The following ASZ1 variants were observed in gnomAD, a reference collection of about 807,000 sequenced individuals.
The protein encoded by ASZ1 is ankyrin repeat, SAM and basic leucine zipper domain-containing protein 1.
ASZ1 carries 67 observed loss-of-function variants against 61.8 expected under a neutral mutation model. The ratio of observed to expected loss-of-function variants is 1.08; its 90% CI spans 0.89 to 1.33. The LOEUF (loss-of-function observed/expected upper bound fraction) is 1.33. Among genes scored for constraint, ASZ1 ranks in the 40% most tolerant of loss-of-function variants. The probability of loss-of-function intolerance (pLI) is 0.00; values close to 1 mark genes in which losing one functional copy is unlikely to be tolerated. For synonymous variants in ASZ1, 193 were observed against 192.7 expected (o/e 1.00, Z -0.01); for missense variants, 577 against 554.5 (o/e 1.04, Z -0.41).
rs1796276330 is a variant in ASZ1 at position 117,382,594 on chromosome 7, AT to A, written c.812+391del. Among the ~76,000 whole-genome samples the A allele has an allele frequency of 2.0e-5, 3 of 152,194 alleles. No individual in the cohort carries two copies. In the East Asian group the frequency reaches 5.8e-4, roughly 29 times the overall value. On this transcript the variant is annotated intron_variant, in intron 7 of 12. Transcript: ENST00000284629. ...CTTTAAATGGGGTAAGGAGAGAATT[AT>A]TTTTGGCCATGTACTCAACAGTGGT... is the stretch of plus-strand genomic sequence containing the variant.
intron 3 of ASZ1, among the ~76,000 whole-genome samples, chr7:117,421,969 G>T (rs946170164): frequency 1.6e-4 from 24 of 152,120 alleles, no homozygotes; most frequent in Admixed American, 5.9e-4. Context: ...TTTCTTTCAA[G>T]AATTTTTCCT....
intron 10 of ASZ1, among the ~76,000 whole-genome samples, chr7:117,378,240 A>C (rs969983092): frequency 1.3e-5 from 2 of 152,128 alleles, no homozygotes; most frequent in African/African-American, 4.8e-5. Context: ...AGACCCCATT[A>C]AGAGGATGAA....
chr7:117,396,799 A>G (rs914824851), intron 4 of ASZ1, among the ~76,000 whole-genome samples: 7 of 152,284 alleles, frequency 4.6e-5, no homozygotes, highest in African/African-American at 1.4e-4. Flanking sequence ...ACAAGAAATG[A>G]AAGGCTTTTT....
At chr7:117,375,610 C>G (rs924044323) in intron 10 of ASZ1, among the ~76,000 whole-genome samples, 13 of 152,022 alleles carry the variant, frequency 8.6e-5, no homozygotes, top group Non-Finnish European at 1.3e-4. Context: ...CTACCGAACC[C>G]TTGAAATCAT....
chr7:117,367,446 G>A lies in ASZ1; in HGVS notation c.1181C>T (p.Ser394Phe). ...NSQKITLEWA[S>F]PQNFTSVCEE... is the part of the protein sequence containing the mutation. ...ACAAACTGAAGTAAAATTCTGGGGA[G>A]AAGCCCATTCCAGTGTTATCTGTTA... The change falls in exon 12 of 13, where the codon TCT becomes TTT. Residue 394 changes from serine (S) to phenylalanine (F), a missense_variant. Physicochemically the swap from Ser to Phe is radical, Grantham distance 155 (BLOSUM62 -2). Transcript: ENST00000284629. 1 of 1,541,210 alleles carries A rather than the reference G, an allele frequency of 6.5e-7. No homozygotes were observed. Among genetic ancestry groups the A allele is most frequent in the Non-Finnish European group, 8.7e-7 (1 of 1,144,876 alleles).
At position 117,422,268 on chromosome 7, in the gene ASZ1, C is replaced by A; in HGVS notation, c.297G>T (p.Leu99Phe). 6.2e-7 allele frequency: 1 copy of A among 1,613,736 alleles called. No individual in the cohort carries two copies. Among genetic ancestry groups the A allele is most frequent in the Non-Finnish European group, 8.5e-7 (1 of 1,179,834 alleles). ...VANAELVRVL[L>F]DRGANASFEK... ...CAAAGCTTGCATTAGCACCTCTGTC[C>A]AAAAGGACCCGAACCAGCTCTGCAT... The change falls in exon 3 of 13, where the codon TTG becomes TTT. Residue 99 changes from leucine (L) to phenylalanine (F), a missense_variant. By Grantham distance (22) the Leu-to-Phe change is conservative (BLOSUM62 0). Coordinates refer to ENST00000284629, the MANE Select transcript of ASZ1 (RefSeq NM_130768.3).
intron 1 of ASZ1, among the ~76,000 whole-genome samples, 179 bp downstream of exon 1, chr7:117,427,177 T>C (rs1044747780): frequency 2.0e-5 from 3 of 152,078 alleles, no homozygotes; most frequent in Non-Finnish European, 2.9e-5. Flanking sequence ...GTAACCACAG[T>C]TGGGGAGGGA....
chr7:117,419,716 T>C (rs1005673644), intron 4 of ASZ1, among the ~76,000 whole-genome samples: 3 of 152,238 alleles, frequency 2.0e-5, no homozygotes, highest in African/African-American at 7.2e-5. Context: ...TACATACATG[T>C]TATTACCTAG....
chr7:117,390,099 C>G (rs1360476177), intron 4 of ASZ1, among the ~76,000 whole-genome samples: 1 of 151,918 alleles, frequency 6.6e-6, no homozygotes, highest in Non-Finnish European at 1.5e-5. Context: ...TATTCCATGA[C>G]CTATATGTGG....
chr7:117,400,492 G>A (rs1796659516), intron 4 of ASZ1, among the ~76,000 whole-genome samples: 1 of 152,146 alleles, frequency 6.6e-6, no homozygotes, highest in African/African-American at 2.4e-5. Context: ...AGTGCTAATG[G>A]GTAGCATTAG....
At chr7:117,369,884 C>T (rs1796016402) in intron 10 of ASZ1, among the ~76,000 whole-genome samples, 1 of 152,152 alleles carries the variant, frequency 6.6e-6, no homozygotes, top group Admixed American at 6.5e-5. Context: ...CACTTATTAG[C>T]TTTATGATTT....
At chr7:117,411,745 G>GT in intron 4 of ASZ1, among the ~76,000 whole-genome samples, 1 of 151,846 alleles carries the variant, frequency 6.6e-6, no homozygotes, top group South Asian at 2.1e-4. Context: ...GATGTGAGTG[G>GT]TATTTTTATC....
intron 4 of ASZ1, among the ~76,000 whole-genome samples, chr7:117,388,714 C>T (rs938903147): frequency 6.6e-6 from 1 of 152,028 alleles, no homozygotes; most frequent in African/African-American, 2.4e-5. Flanking sequence ...TACTTTCCCC[C>T]AACATCAGAA....
intron 4 of ASZ1, among the ~76,000 whole-genome samples, chr7:117,394,888 T>C (rs1157610779): frequency 6.6e-6 from 1 of 152,230 alleles, no homozygotes; most frequent in East Asian, 1.9e-4. Context: ...TGCTTGTTTT[T>C]TCATTTCTAT....
At chr7:117,377,043 C>A (rs972219582) in intron 10 of ASZ1, among the ~76,000 whole-genome samples, 4 of 152,102 alleles carry the variant, frequency 2.6e-5, no homozygotes, top group Non-Finnish European at 5.9e-5. Context: ...CTACAAAAAG[C>A]CTCCTAGAAC....
chr7:117,394,265 T>G (rs965197735), intron 4 of ASZ1, among the ~76,000 whole-genome samples: 2 of 152,076 alleles, frequency 1.3e-5, no homozygotes, highest in African/African-American at 4.8e-5. Flanking sequence ...CCACCATGCC[T>G]GGCTAATTTT....
chr7:117,380,202 A>G (rs1796224211), intron 9 of ASZ1, among the ~76,000 whole-genome samples, 155 bp from the exon 10 acceptor site: 1 of 151,856 alleles, frequency 6.6e-6, no homozygotes, highest in East Asian at 1.9e-4. Flanking sequence ...TGTTTTTCTT[A>G]TAACTGTGAT....
chr7:117,405,384 TGCCTGTGCAGTGACCTCA>T (rs1330086087), intron 4 of ASZ1, among the ~76,000 whole-genome samples: 1 of 152,238 alleles, frequency 6.6e-6, no homozygotes, highest in Non-Finnish European at 1.5e-5. Context: ...GATGCACCCT[TGCCTGTGCAGTGACCTCA>T]GCCTCCACGG....
intron 4 of ASZ1, among the ~76,000 whole-genome samples, chr7:117,401,380 T>G (rs1796676595): frequency 9.4e-6 from 1 of 105,974 alleles, no homozygotes; most frequent in Admixed American, 9.1e-5. Context: ...ATAGCAAAGC[T>G]GTTTTTTTTT....
Sources: gnomAD v4.1 joint callset for allele counts (sites outside exome capture counted in the v4.1 genomes callset) on GRCh38, gnomAD v4.1.1 for gene constraint, MANE v1.5 for transcripts, NCBI Gene and HGNC (gene_info 2026-07-23, HGNC 2026-07-21) for gene names.